Variants in TANC2 observed in about 807,000 individuals in gnomAD.
The protein encoded by TANC2 is tetratricopeptide repeat, ankyrin repeat and coiled-coil containing 2.
In TANC2, 26 loss-of-function variants were observed where a neutral mutation model predicts 210.5. That is an observed-to-expected ratio of 0.12 (90% CI 0.09 to 0.17). The LOEUF (loss-of-function observed/expected upper bound fraction) is 0.17, where lower values mean the gene tolerates loss of function less well. Ranked by LOEUF, TANC2 falls within the 10% of genes least tolerant of loss-of-function variation. TANC2 has a pLI of 1.00. For synonymous variants in TANC2, 931 were observed against 967.1 expected, an observed-to-expected ratio of 0.96 and a Z score of 0.69; for missense variants, 2,129 against 2,608.9, an observed-to-expected ratio of 0.82 and a Z score of 4.01.
intron 12 of TANC2, 134 bp downstream of exon 12, chr17:63,340,466 CAGT>C: frequency 2.9e-6 from 2 of 694,038 alleles, no homozygotes; most frequent in South Asian, 4.2e-5. Context: ...CTGTAGGATA[CAGT>C]TAACAGACAA....
rs939901497 is a variant in TANC2, at chr17:63,078,224, T to C, written c.139+4210T>C. Among the ~76,000 whole-genome samples, 11 of 152,206 alleles carry C rather than the reference T, an allele frequency of 7.2e-5. No homozygotes were observed. The East Asian group carries it at 7.7e-4, about 11-fold the overall frequency. On this transcript the variant is annotated intron_variant, in intron 3 of 27. Coordinates refer to ENST00000689528, the Ensembl canonical transcript of TANC2. ...TAGGACTATTAAAATTATGTGTTTCTTCTTGAGAAACATTTTAATATCTGC... is the reference window on the plus strand; with the variant it reads ...TAGGACTATTAAAATTATGTGTTTCCTCTTGAGAAACATTTTAATATCTGC...
chr17:62,989,767 CTTTTT>C (rs369502208), intron 1 of TANC2, among the ~76,000 whole-genome samples: 1 of 109,808 alleles, frequency 9.1e-6, no homozygotes, highest in Non-Finnish European at 1.8e-5. Context: ...AAAACACATG[CTTTTT>C]TTTTTTTTTT....
intron 9 of TANC2, among the ~76,000 whole-genome samples, chr17:63,280,060 G>C (rs376148094): frequency 5.3e-5 from 8 of 152,174 alleles, no homozygotes; most frequent in African/African-American, 1.9e-4. Flanking sequence ...TTTAAAATCT[G>C]ATTCACGTAA....
chr17:63,345,315 T>C lies in TANC2; in HGVS notation c.1807+4983T>C, dbSNP rs182494625. On this transcript the variant is annotated intron_variant, in intron 12 of 27. Coordinates refer to ENST00000689528, the Ensembl canonical transcript of TANC2. ...AAGATGTCAGTTTTTTCTTAAACTATTCTATAGATTAAACATAATCCTGGC... is the reference window on the plus strand; with the variant it reads ...AAGATGTCAGTTTTTTCTTAAACTACTCTATAGATTAAACATAATCCTGGC... Among the ~76,000 whole-genome samples the C allele has an allele frequency of 4.7e-3, 709 of 152,290 alleles. 2 individuals carry two copies. The highest frequency in any genetic ancestry group is 6.5e-3 in the Non-Finnish European group (440 of 68,020).
At chr17:63,022,458 G>C (rs1294846952) in intron 2 of TANC2, among the ~76,000 whole-genome samples, 1 of 152,102 alleles carries the variant, frequency 6.6e-6, no homozygotes, top group South Asian at 2.1e-4. Flanking sequence ...GGGAGCAAAG[G>C]GATGATTTAA....
At chr17:63,171,165 A>C (rs2040393973) in intron 5 of TANC2, among the ~76,000 whole-genome samples, 1 of 131,654 alleles carries the variant, frequency 7.6e-6, no homozygotes, top group African/African-American at 2.9e-5. Flanking sequence ...AGCTCACTGC[A>C]CTCCACCTCC....
At chr17:63,378,211 T>C (rs535111785) in intron 14 of TANC2, among the ~76,000 whole-genome samples, 1 of 152,308 alleles carries the variant, frequency 6.6e-6, no homozygotes, top group Non-Finnish European at 1.5e-5. Context: ...TTTTTTCTTC[T>C]AAAAGTTTTA....
At chr17:63,400,101 C>T (rs1384350811) in intron 19 of TANC2, among the ~76,000 whole-genome samples, 1 of 152,226 alleles carries the variant, frequency 6.6e-6, no homozygotes, top group African/African-American at 2.4e-5. Flanking sequence ...GTGTGTGACC[C>T]AGAGCTGCAG....
chr17:63,249,323 A>G (rs910666710), intron 8 of TANC2, among the ~76,000 whole-genome samples: 1 of 152,164 alleles, frequency 6.6e-6, no homozygotes, highest in Non-Finnish European at 1.5e-5. Context: ...TTGCTATTGC[A>G]TATTTGTTTT....
In TANC2 at chr17:63,240,594, C is replaced by T. The variant is rs116538015; in HGVS notation, c.1033+2517C>T. On this transcript the variant is annotated intron_variant, in intron 8 of 27. Coordinates refer to ENST00000689528, the Ensembl canonical transcript of TANC2. The stretch of plus-strand genomic sequence containing the variant: ...GCTCCCTCTCTAGTTGTATCCTGTA[C>T]CTTCAGAGCAGTGCCAGAACTGAAC... 9.9e-4 allele frequency among the ~76,000 whole-genome samples: 150 copies of T among 152,202 alleles called. 2 individuals are homozygous for T. The Middle Eastern group carries it at 0.024, about 24-fold the overall frequency.
chr17:63,141,220 G>A (rs563375902), intron 4 of TANC2, among the ~76,000 whole-genome samples: 3 of 151,014 alleles, frequency 2.0e-5, no homozygotes, highest in Non-Finnish European at 3.0e-5. Context: ...TACAAAGGTC[G>A]AATGAGCTTA....
intron 5 of TANC2, among the ~76,000 whole-genome samples, chr17:63,170,948 A>G (rs986246314): frequency 5.3e-5 from 8 of 152,004 alleles, no homozygotes; most frequent in African/African-American, 1.9e-4. Flanking sequence ...TTGCTCAAAA[A>G]TTTGCCTTTC....
At chr17:62,973,489 A>T (rs2031828808) in intron 1 of TANC2, among the ~76,000 whole-genome samples, 1 of 152,176 alleles carries the variant, frequency 6.6e-6, no homozygotes, top group East Asian at 1.9e-4. Context: ...CCGTTATCTC[A>T]GTTATGCCTT....
chr17:62,974,516 A>G (rs576899608), intron 1 of TANC2, among the ~76,000 whole-genome samples: 1 of 152,202 alleles, frequency 6.6e-6, no homozygotes, highest in South Asian at 2.1e-4. Flanking sequence ...AAACTGGGGT[A>G]TTTTTATGGA....
At chr17:62,983,339 T>A (rs2032401883) in intron 1 of TANC2, among the ~76,000 whole-genome samples, 1 of 152,004 alleles carries the variant, frequency 6.6e-6, no homozygotes, top group African/African-American at 2.4e-5. Flanking sequence ...GAGTTTTTGG[T>A]AGGGTCTTTA....
chr17:63,406,689 A>C (rs1487824539), intron 21 of TANC2, among the ~76,000 whole-genome samples: 1 of 152,192 alleles, frequency 6.6e-6, no homozygotes, highest in East Asian at 1.9e-4. Flanking sequence ...CTGGGATGCT[A>C]TTTGGGGGAT....
intron 2 of TANC2, among the ~76,000 whole-genome samples, chr17:63,034,077 A>C (rs2034879295): frequency 6.6e-6 from 1 of 152,180 alleles, no homozygotes; most frequent in Non-Finnish European, 1.5e-5. Flanking sequence ...ACTAAACAAC[A>C]GATTTTCAAT....
chr17:63,023,752 A>G (rs1365160685), intron 2 of TANC2, among the ~76,000 whole-genome samples: 1 of 152,238 alleles, frequency 6.6e-6, no homozygotes, highest in Non-Finnish European at 1.5e-5. Context: ...AAGTATCAAA[A>G]TGTGGCCTTA....
intron 19 of TANC2, 111 bp from the exon 20 acceptor site, chr17:63,405,011 A>AGAAGT: frequency 8.0e-7 from 1 of 1,249,388 alleles, no homozygotes; most frequent in Non-Finnish European, 1.0e-6. Context: ...CATTATTCTT[A>AGAAGT]GAAGTAAAGT....
Sources: gnomAD v4.1 joint callset for allele counts (sites outside exome capture counted in the v4.1 genomes callset) on GRCh38, gnomAD v4.1.1 for gene constraint, MANE v1.5 for transcripts, NCBI Gene and HGNC (gene_info 2026-07-23, HGNC 2026-07-21) for gene names.